SLC22A14: variants seen among roughly 807,000 people sequenced by gnomAD.
SLC22A14 encodes the protein solute carrier family 22 member 14.
In SLC22A14, 50 loss-of-function variants were observed where a neutral mutation model predicts 53.9. The observed-to-expected ratio is 0.93, with a 90% CI of 0.74 to 1.17. The LOEUF is 1.17. SLC22A14 is among the 50% of genes most tolerant of loss of function. The pLI is 0.00. For synonymous variants in SLC22A14, 312 were observed against 303.0 expected, an observed-to-expected ratio of 1.03 and a Z score of -0.31; for missense variants, 671 against 734.7, an observed-to-expected ratio of 0.91 and a Z score of 1.00.
rs2125886973 is a variant in SLC22A14, at chr3:38,307,830, A to G, written c.775+110A>G. ...GGGCGTGGCGGCATAGGCAGATGGCAAGGGGGCGTGGTGTAGCTGTAAGAG... is the reference window on the plus strand; with the variant it reads ...GGGCGTGGCGGCATAGGCAGATGGCGAGGGGGCGTGGTGTAGCTGTAAGAG... On this transcript the variant is annotated intron_variant, in intron 4 of 10. Transcript: ENST00000448498. The surrounding 1 kb of genome is among the most constrained non-coding windows in gnomAD (Gnocchi z 4.4). The G allele has an allele frequency of 8.2e-7, 1 of 1,222,396 alleles. No individual in the cohort carries two copies. The highest frequency in any genetic ancestry group is 1.5e-5 in the African/African-American group (1 of 67,496). The allele number at this position is 1,222,396 out of a possible 1,614,324, so 75.7% of individuals were successfully genotyped here. A position where few individuals can be genotyped will look rare whatever the true frequency, so the allele number is the denominator to read the frequency against.
At chr3:38,285,682 G>A (rs527792346) in intron 1 of SLC22A14, among the ~76,000 whole-genome samples, 2 of 152,164 alleles carry the variant, frequency 1.3e-5, no homozygotes, top group South Asian at 2.1e-4. Flanking sequence ...TACAATTTAG[G>A]CATTCTTTCA....
At chr3:38,305,769 C>T in intron 1 of SLC22A14, 1 of 487,506 alleles carries the variant, frequency 2.1e-6, no homozygotes, top group Middle Eastern at 5.3e-4. Flanking sequence ...AGAACTTAGT[C>T]CTTCATGACA....
intron 1 of SLC22A14, among the ~76,000 whole-genome samples, chr3:38,291,971 G>C (rs1559544300): frequency 6.6e-6 from 1 of 152,230 alleles, no homozygotes; most frequent in Non-Finnish European, 1.5e-5. Context: ...GTGTAGGCTG[G>C]ATACATTCTT....
chr3:38,315,636 T>C lies in SLC22A14; in HGVS notation c.1457T>C (p.Leu486Pro), dbSNP rs775595866. Residue 486 changes from leucine (L) to proline (P), a missense_variant, in exon 9 of 11, where the codon CTC becomes CCC. Leu to Pro is a moderately conservative substitution (Grantham distance 98). Transcript: ENST00000448498. ...LKSMTILVLM[L>P]REFSLAATVT... ...TCCATGACGATCTTGGTGCTCATGC[T>C]CAGAGAGTTCAGCCTGGCCGCCACT... 1.2e-6 allele frequency: 2 copies of C among 1,614,116 alleles called. No individual in the cohort carries two copies. The highest frequency in any genetic ancestry group is 1.7e-6 in the Non-Finnish European group (2 of 1,180,008).
At chr3:38,315,254 T>C (rs1029858784) in intron 8 of SLC22A14, among the ~76,000 whole-genome samples, 1 of 152,132 alleles carries the variant, frequency 6.6e-6, no homozygotes, top group African/African-American at 2.4e-5. Context: ...AAGCTGCAAT[T>C]GGGTGAGGAG....
At position 38,313,404 on chromosome 3, in the gene SLC22A14, A is replaced by G. The variant is rs1170130382; in HGVS notation, c.1082A>G (p.Lys361Arg). 4 of 1,613,638 alleles carry G rather than the reference A, an allele frequency of 2.5e-6. No individual in the cohort carries two copies. In the East Asian group the frequency reaches 8.9e-5, roughly 36 times the overall value. ...NLLDELQLPR[K>R]KVTRASVLDF... is the part of the protein sequence containing the mutation. The stretch of plus-strand genomic sequence containing the variant: ...GTTCTGTAGCTGCAGCTGCCCAGAA[A>G]GAAGGTGACTCGGGCCTCTGTCCTG... Residue 361 changes from lysine (K) to arginine (R), a missense_variant, in exon 7 of 11, where the codon AAG becomes AGG. By Grantham distance (26) the Lys-to-Arg change is conservative. Coordinates refer to ENST00000448498, the MANE Select transcript of SLC22A14 (RefSeq NM_001320033.2).
chr3:38,308,795 T>A (rs1421014377), intron 4 of SLC22A14, among the ~76,000 whole-genome samples, 159 bp from the exon 5 acceptor site: 1 of 152,220 alleles, frequency 6.6e-6, no homozygotes, highest in Non-Finnish European at 1.5e-5. Context: ...TACCGGGCTC[T>A]GAGGGGCTGT....
intron 1 of SLC22A14, among the ~76,000 whole-genome samples, chr3:38,283,761 C>T (rs944374695): frequency 1.3e-5 from 2 of 149,672 alleles, no homozygotes; most frequent in African/African-American, 4.9e-5. Context: ...ACCCAGGAAG[C>T]AGAGGGTGCA....
chr3:38,292,403 G>A lies in SLC22A14; in HGVS notation c.-1+10064G>A, dbSNP rs188243055. Among the ~76,000 whole-genome samples, 245 of 152,286 alleles carry A rather than the reference G, an allele frequency of 1.6e-3. 1 individual carries two copies. Among genetic ancestry groups the A allele is most frequent in the African/African-American group, 5.6e-3 (234 of 41,556 alleles). On this transcript the variant is annotated intron_variant, in intron 1 of 10. Coordinates refer to ENST00000448498, the MANE Select transcript of SLC22A14 (RefSeq NM_001320033.2). The stretch of plus-strand genomic sequence containing the variant: ...CCACTCTGCTTCCTCTGGTATTTGG[G>A]AAAGCAGAGTATAAAGGTTAGGTAT...
chr3:38,282,068 C>G (rs1703680507), upstream of SLC22A14, among the ~76,000 whole-genome samples: 1 of 152,190 alleles, frequency 6.6e-6, no homozygotes, highest in South Asian at 2.1e-4. Flanking sequence ...TCTGGAAGGA[C>G]AGGAGAATTT....
intron 1 of SLC22A14, among the ~76,000 whole-genome samples, chr3:38,293,418 A>C: frequency 6.6e-6 from 1 of 152,136 alleles, no homozygotes; most frequent in East Asian, 1.9e-4. Flanking sequence ...TCTCTATTAT[A>C]AAAAACCAAG....
At chr3:38,315,119 G>A (rs1704583647) in intron 8 of SLC22A14, among the ~76,000 whole-genome samples, 1 of 152,240 alleles carries the variant, frequency 6.6e-6, no homozygotes, top group Admixed American at 6.5e-5. Flanking sequence ...AGCCATTCAG[G>A]CCCCAGGAAC....
intron 1 of SLC22A14, among the ~76,000 whole-genome samples, chr3:38,301,778 C>T (rs1046634504): frequency 6.7e-6 from 1 of 148,794 alleles, no homozygotes; most frequent in Admixed American, 6.7e-5. Context: ...ATAGTTTTTT[C>T]GTTATTAAAT....
At chr3:38,292,553 A>G (rs1284955879) in intron 1 of SLC22A14, among the ~76,000 whole-genome samples, 2 of 152,196 alleles carry the variant, frequency 1.3e-5, no homozygotes, top group East Asian at 3.9e-4. Flanking sequence ...TGGTTTTACT[A>G]GGCCTTGGGC....
intron 8 of SLC22A14, 39 bp from the exon 9 acceptor site, chr3:38,315,519 A>T (rs41285123): frequency 0.041 from 64,776 of 1,596,458 alleles, 2,407 homozygotes; most frequent in African/African-American, 0.2. Context: ...GGAGGGGTCA[A>T]GGGAGGGCTG....
chr3:38,306,968 G>T (rs1704322607), intron 2 of SLC22A14, among the ~76,000 whole-genome samples: 1 of 152,194 alleles, frequency 6.6e-6, no homozygotes, highest in Non-Finnish European at 1.5e-5. Flanking sequence ...CTGCCTTTGG[G>T]AAAGGGTCTG....
chr3:38,313,099 C>A lies in SLC22A14; in HGVS notation c.1045C>A (p.Pro349Thr). Residue 349 changes from proline to threonine, a missense_variant, in exon 6 of 11, where the codon CCT (proline) becomes ACT (threonine). By Grantham distance (38) the Pro-to-Thr change is conservative (BLOSUM62 -1). Coordinates refer to ENST00000448498, the MANE Select transcript of SLC22A14 (RefSeq NM_001320033.2). ...YAASVNKKTIPSNLLDELQLP... is the reference protein window; with the variant it reads ...YAASVNKKTITSNLLDELQLP... ...CGCAAGTGTGAACAAGAAGACCATT[C>A]CTTCAAATCTGCTGGACGAGGTAAA... 1 of 1,609,542 alleles carries A rather than the reference C, an allele frequency of 6.2e-7. No individual in the cohort carries two copies. The highest frequency in any genetic ancestry group is 1.1e-5 in the South Asian group (1 of 89,720).
rs776676242 is a variant in SLC22A14, at chr3:38,313,046, A to G, written c.992A>G (p.Lys331Arg). 78 of 1,596,450 alleles carry G rather than the reference A, an allele frequency of 4.9e-5. 1 individual carries two copies. In the South Asian group the frequency reaches 8.4e-4, roughly 17 times the overall value. Reference sequence around the variant, plus strand: ...TGGCTGATGATGAAAGGGAAGGTGAAGGAGGCCAAGCAGGTGCTGTGCTAC... The same window carrying G: ...TGGCTGATGATGAAAGGGAAGGTGAGGGAGGCCAAGCAGGTGCTGTGCTAC... ...PRWLMMKGKV[K>R]EAKQVLCYAA... Residue 331 changes from lysine (K) to arginine (R), a missense_variant, in exon 6 of 11, where the codon AAG becomes AGG. Lys to Arg is a conservative substitution (Grantham distance 26, BLOSUM62 2). Transcript: ENST00000448498.
chr3:38,312,733 C>A (rs1275324037), intron 5 of SLC22A14, among the ~76,000 whole-genome samples: 7 of 152,142 alleles, frequency 4.6e-5, no homozygotes, highest in Admixed American at 6.5e-5. Flanking sequence ...TTACTGAGGG[C>A]AAATCAAGGA....
Sources: allele counts gnomAD v4.1 joint callset (sites outside exome capture counted in the v4.1 genomes callset), GRCh38; gene constraint gnomAD v4.1.1; non-coding constraint Gnocchi (gnomAD v3.1); transcripts MANE v1.5; gene names NCBI Gene and HGNC (gene_info 2026-07-23, HGNC 2026-07-21).